The following PPP1R12A variants were observed in gnomAD, a reference collection of about 807,000 sequenced individuals.
The protein encoded by PPP1R12A is myosin binding subunit.
Under a neutral mutation model 139.6 loss-of-function variants are expected in PPP1R12A, and 19 were observed. The observed-to-expected ratio is 0.14, with a 90% confidence interval of 0.09 to 0.20. PPP1R12A has a LOEUF of 0.20. Among genes scored for constraint, PPP1R12A ranks in the 10% least tolerant of loss-of-function variants. The pLI, the probability that PPP1R12A is intolerant of heterozygous loss-of-function variation, is 1.00. For synonymous variants in PPP1R12A, 427 were observed against 420.6 expected (o/e 1.02, Z -0.19); for missense variants, 925 against 1,211.5 (o/e 0.76, Z 3.51).
chr12:79,827,246 A>AT (rs1269559159), intron 5 of PPP1R12A, among the ~76,000 whole-genome samples: 1 of 151,932 alleles, frequency 6.6e-6, no homozygotes, highest in Non-Finnish European at 1.5e-5. Context: ...ATTCCCCCAA[A>AT]TTTTTTTACT....
rs573245386 is a variant in PPP1R12A at position 79,843,709 on chromosome 12, A to AT, written c.487+1592dup. 8.6e-4 allele frequency among the ~76,000 whole-genome samples: 123 copies of AT among 142,790 alleles called. 1 individual carries two copies. The highest frequency in any genetic ancestry group is 3.6e-3 in the Middle Eastern group (1 of 274). 93.7% of individuals were successfully genotyped at this position (142,790 alleles called of 152,430 possible). On this transcript the variant is annotated intron_variant, in intron 3 of 24. Transcript: ENST00000450142. Reference sequence around the variant, plus strand: ...TTTCTAGAAAAGGAGTTGCTGGATCATTTTTTTTTTTTTAGACGGAGTCTC... The same window carrying AT: ...TTTCTAGAAAAGGAGTTGCTGGATCATTTTTTTTTTTTTTAGACGGAGTCTC...
At chr12:79,811,009 C>T (rs1238151653) in intron 9 of PPP1R12A, among the ~76,000 whole-genome samples, 1 of 151,974 alleles carries the variant, frequency 6.6e-6, no homozygotes, top group Non-Finnish European at 1.5e-5. Context: ...TTCCAACAAC[C>T]CTAAAAATGC....
At chr12:79,844,167 A>C (rs1170637522) in intron 3 of PPP1R12A, among the ~76,000 whole-genome samples, 2 of 152,086 alleles carry the variant, frequency 1.3e-5, no homozygotes, top group Non-Finnish European at 1.5e-5. Flanking sequence ...TAGAATACTC[A>C]TCACTCTTGA....
intron 1 of PPP1R12A, among the ~76,000 whole-genome samples, chr12:79,925,396 T>A (rs1887762635): frequency 6.6e-6 from 1 of 152,192 alleles, no homozygotes; most frequent in South Asian, 2.1e-4. Flanking sequence ...GAAAATGACA[T>A]GAGCTTTGTA....
chr12:79,876,485 T>C (rs1319764946), intron 1 of PPP1R12A, among the ~76,000 whole-genome samples: 3 of 152,160 alleles, frequency 2.0e-5, no homozygotes, highest in African/African-American at 4.8e-5. Flanking sequence ...CAGGAAATGA[T>C]AGGGCTGGGA....
chr12:79,928,062 T>C (rs932711592), intron 1 of PPP1R12A, among the ~76,000 whole-genome samples: 12 of 152,360 alleles, frequency 7.9e-5, no homozygotes, highest in African/African-American at 1.9e-4. Flanking sequence ...GGTTTTTAAA[T>C]AGTTTTCTTT....
chr12:79,806,804 G>C (rs1873891931), intron 12 of PPP1R12A: 1 of 161,052 alleles, frequency 6.2e-6, no homozygotes, highest in African/African-American at 2.4e-5. Context: ...TTGTTTATAG[G>C]GCTTTTTTTT....
In PPP1R12A at chr12:79,806,236, T is replaced by A; in HGVS notation, c.1753A>T (p.Ser585Cys). The A allele has an allele frequency of 6.2e-7, 1 of 1,613,984 alleles. No homozygotes were observed. Among genetic ancestry groups the A allele is most frequent in the Non-Finnish European group, 8.5e-7 (1 of 1,179,854 alleles). Reference protein sequence around the residue: ...TVTSAAGLQKSLLSSTSTTTK... With the variant: ...TVTSAAGLQKCLLSSTSTTTK... Reference sequence around the variant, plus strand: ...GTAGTGCTTGTGCTGGAAAGCAGGCTTTTCTGAAGCCCAGCTGCAGAGGTA... The same window carrying A: ...GTAGTGCTTGTGCTGGAAAGCAGGCATTTCTGAAGCCCAGCTGCAGAGGTA... The change falls in exon 13 of 25, where the codon AGC becomes TGC. Residue 585 changes from serine to cysteine, a missense_variant. Transcript: ENST00000450142.
chr12:79,811,835 C>T (rs1033420019), intron 9 of PPP1R12A, among the ~76,000 whole-genome samples: 1 of 152,092 alleles, frequency 6.6e-6, no homozygotes, highest in African/African-American at 2.4e-5. Context: ...CATTAGGTCT[C>T]CCACCTCCTC....
At chr12:79,897,291 A>G (rs1885216250) in intron 1 of PPP1R12A, among the ~76,000 whole-genome samples, 2 of 152,246 alleles carry the variant, frequency 1.3e-5, no homozygotes, top group African/African-American at 4.8e-5. Flanking sequence ...GAATTAATGC[A>G]GGAACAGAAA....
chr12:79,928,593 A>T (rs1210065475), intron 1 of PPP1R12A, among the ~76,000 whole-genome samples: 1 of 152,242 alleles, frequency 6.6e-6, no homozygotes. Flanking sequence ...TTTAGACACA[A>T]ATTTTAATGC....
At chr12:79,886,656 A>G (rs1187850551) in intron 1 of PPP1R12A, among the ~76,000 whole-genome samples, 1 of 152,174 alleles carries the variant, frequency 6.6e-6, no homozygotes, top group Non-Finnish European at 1.5e-5. Flanking sequence ...GACTGAATGA[A>G]CTAGACATAG....
At chr12:79,817,290 A>G (rs1180975994) in intron 9 of PPP1R12A, 104 bp downstream of exon 9, 1 of 1,020,108 alleles carries the variant, frequency 9.8e-7, no homozygotes, top group African/African-American at 1.6e-5. Context: ...AATCTTACAT[A>G]TTTTTGGAAC....
chr12:79,877,717 T>C (rs1883245910), intron 1 of PPP1R12A, among the ~76,000 whole-genome samples: 2 of 152,164 alleles, frequency 1.3e-5, no homozygotes, highest in African/African-American at 4.8e-5. Context: ...GGTTTCAACA[T>C]GCTGGCCCGG....
intron 1 of PPP1R12A, among the ~76,000 whole-genome samples, chr12:79,897,386 G>A (rs181132477): frequency 4.6e-5 from 7 of 152,266 alleles, no homozygotes; most frequent in African/African-American, 1.7e-4. Context: ...AACAACAGTG[G>A]GGAGTCGGGG....
Position 79,820,801 on chromosome 12 carries a change from C to T in PPP1R12A, c.1087G>A (p.Asp363Asn). 1 of 1,612,870 alleles carries T rather than the reference C, an allele frequency of 6.2e-7. No homozygotes were observed. Among genetic ancestry groups the T allele is most frequent in the Non-Finnish European group, 8.5e-7 (1 of 1,179,618 alleles). ...SSCSSEEDEE[D>N]DSESEAETDK... The stretch of plus-strand genomic sequence containing the variant: ...GTTTCAGCTTCTGATTCCGAGTCAT[C>T]TTCCTCATCTTCTTCACTAGAGCAG... The change falls in exon 8 of 25, where the codon GAT (aspartate) becomes AAT (asparagine). Residue 363 changes from aspartate (D) to asparagine (N), a missense_variant. Transcript: ENST00000450142.
At chr12:79,864,677 G>C (rs767791198) in intron 2 of PPP1R12A, among the ~76,000 whole-genome samples, 4 of 152,172 alleles carry the variant, frequency 2.6e-5, no homozygotes, top group African/African-American at 9.7e-5. Flanking sequence ...ACTACCATCA[G>C]AGAATACTAT....
At chr12:79,776,076 T>A in intron 24 of PPP1R12A, 61 bp from the exon 25 acceptor site, 1 of 1,018,126 alleles carries the variant, frequency 9.8e-7, no homozygotes, top group Non-Finnish European at 1.4e-6. Context: ...AAAACATTAT[T>A]CTTAATAAAT....
At position 79,806,184 on chromosome 12, in the gene PPP1R12A, G is replaced by A; in HGVS notation, c.1805C>T (p.Ser602Leu). The A allele has an allele frequency of 1.2e-6, 2 of 1,613,904 alleles. No homozygotes were observed. The highest frequency in any genetic ancestry group is 1.7e-6 in the Non-Finnish European group (2 of 1,179,790). The change falls in exon 13 of 25, where the codon TCA (serine) becomes TTA (leucine). Residue 602 changes from serine (S) to leucine (L), a missense_variant. Physicochemically the swap from Ser to Leu is moderately radical, Grantham distance 145 (BLOSUM62 -2). Coordinates refer to ENST00000450142, the MANE Select transcript of PPP1R12A (RefSeq NM_002480.3). Reference protein sequence around the residue: ...TTTKITTGSSSAGTQSSTSNR... With the variant: ...TTTKITTGSSLAGTQSSTSNR... ...GACTTACCTGCTTTGTGTGCCTGCT[G>A]AGGAAGAACCCGTTGTAATCTTTGT...
Sources: allele counts gnomAD v4.1 joint callset (sites outside exome capture counted in the v4.1 genomes callset), GRCh38; gene constraint gnomAD v4.1.1; transcripts MANE v1.5; gene names NCBI Gene and HGNC (gene_info 2026-07-23, HGNC 2026-07-21).